Variants in CHD6 observed in about 807,000 individuals in gnomAD.
The protein encoded by CHD6 is chromodomain helicase DNA binding protein 6, also known as ATP-dependent chromatin remodeler CHD6.
Under a neutral mutation model 276.9 loss-of-function variants are expected in CHD6, and 50 were observed. The ratio of observed to expected loss-of-function variants is 0.18; its 90% confidence interval spans 0.14 to 0.23. The LOEUF (loss-of-function observed/expected upper bound fraction) is 0.23, where lower values mean the gene tolerates loss of function less well. CHD6 is among the 10% of genes least tolerant of loss of function. The probability of loss-of-function intolerance (pLI) is 1.00; values close to 1 mark genes in which losing one functional copy is unlikely to be tolerated. For synonymous variants in CHD6, 1,173 were observed against 1,229.3 expected, an observed-to-expected ratio of 0.95 and a Z score of 0.96; for missense variants, 2,564 against 3,365.8, an observed-to-expected ratio of 0.76 and a Z score of 5.89.
At chr20:41,583,109 C>T (rs2045558206) in intron 1 of CHD6, among the ~76,000 whole-genome samples, 1 of 151,946 alleles carries the variant, frequency 6.6e-6, no homozygotes, top group Non-Finnish European at 1.5e-5. Flanking sequence ...AAGAATTCTC[C>T]AAAAATAAAG....
intron 3 of CHD6, among the ~76,000 whole-genome samples, chr20:41,528,271 G>A (rs2044592642): frequency 6.6e-6 from 1 of 151,958 alleles, no homozygotes; most frequent in South Asian, 2.1e-4. Context: ...TACATGACCT[G>A]ACCCCTGCCT....
rs749892189 is a variant in CHD6, at chr20:41,452,072, C to T, written c.3324-47G>A. 1 of 1,468,068 alleles carries T rather than the reference C, an allele frequency of 6.8e-7. No homozygotes were observed. Among genetic ancestry groups the T allele is most frequent in the Non-Finnish European group, 9.5e-7 (1 of 1,051,670 alleles). The allele number at this position is 1,468,068 out of a possible 1,614,324, so 90.9% of individuals were successfully genotyped here. A position where few individuals can be genotyped will look rare whatever the true frequency, so the allele number is the denominator to read the frequency against. On this transcript the variant is annotated intron_variant, in intron 21 of 36. Coordinates refer to ENST00000373233, the MANE Select transcript of CHD6 (RefSeq NM_032221.5). This position sits in a 1 kb window ranked among gnomAD's most constrained non-coding sequence, Gnocchi z 4.2. ...GGTGTTGGAGGGAGAATGGACCAGG[C>T]CATGCAGGCAGCCTCCCCACAGGAG...
Position 41,460,431 on chromosome 20 carries a change from C to T in CHD6, c.2665-3003G>A, listed in dbSNP as rs546900535. Among the ~76,000 whole-genome samples the T allele has an allele frequency of 9.2e-5, 14 of 152,284 alleles. No homozygotes were observed. The East Asian group carries it at 1.2e-3, about 13-fold the overall frequency. ...ATGGCAGCCCCTCCCATCACAGGCT[C>T]GGAGGCCTAGGAGGAAAAAGTGGTT... On this transcript the variant is annotated intron_variant, in intron 17 of 36. Coordinates refer to ENST00000373233, the MANE Select transcript of CHD6 (RefSeq NM_032221.5).
chr20:41,610,242 C>T (rs2045872437), intron 1 of CHD6, among the ~76,000 whole-genome samples: 2 of 152,146 alleles, frequency 1.3e-5, no homozygotes, highest in Admixed American at 6.5e-5. Context: ...GAATATACTA[C>T]AATCAATCTT....
intron 1 of CHD6, among the ~76,000 whole-genome samples, chr20:41,602,862 T>A (rs1235700657): frequency 6.6e-6 from 1 of 152,030 alleles, no homozygotes; most frequent in Non-Finnish European, 1.5e-5. Flanking sequence ...TTAAAATATT[T>A]TGTAGAGATA....
intron 23 of CHD6, among the ~76,000 whole-genome samples, chr20:41,450,451 T>C (rs2048201757): frequency 6.6e-6 from 1 of 151,876 alleles, no homozygotes; most frequent in Admixed American, 6.6e-5. Context: ...GTTTTGTTTT[T>C]CAATCAGTTT....
chr20:41,611,212 A>G (rs1428432864), intron 1 of CHD6, among the ~76,000 whole-genome samples: 1 of 152,226 alleles, frequency 6.6e-6, no homozygotes, highest in Admixed American at 6.5e-5. Flanking sequence ...AGGTTAAAGG[A>G]CAATCTTGTT....
At chr20:41,572,566 T>A (rs1044010193) in intron 1 of CHD6, among the ~76,000 whole-genome samples, 2 of 152,202 alleles carry the variant, frequency 1.3e-5, no homozygotes, top group African/African-American at 4.8e-5. Flanking sequence ...GCCTGGCTCA[T>A]CTGGAACCCA....
chr20:41,413,636 G>T, intron 34 of CHD6, 121 bp from the exon 35 acceptor site: 1 of 853,626 alleles, frequency 1.2e-6, no homozygotes, highest in Non-Finnish European at 1.8e-6. Flanking sequence ...ATATTACTCA[G>T]CTGGGGTGCC....
chr20:41,493,789 G>A, intron 9 of CHD6, 69 bp downstream of exon 9: 1 of 1,563,426 alleles, frequency 6.4e-7, no homozygotes, highest in Non-Finnish European at 8.8e-7. Flanking sequence ...CTAAGACAAG[G>A]GTCACATGTT....
At chr20:41,495,861 G>A (rs1459694616) in intron 8 of CHD6, among the ~76,000 whole-genome samples, 1 of 152,218 alleles carries the variant, frequency 6.6e-6, no homozygotes, top group African/African-American at 2.4e-5. Context: ...TTTTTCCTAT[G>A]ATACTGAGTT....
chr20:41,477,099 C>T (rs2043185108), intron 16 of CHD6, among the ~76,000 whole-genome samples: 1 of 152,012 alleles, frequency 6.6e-6, no homozygotes, highest in Admixed American at 6.6e-5. Flanking sequence ...ATCAGACAGG[C>T]ATGGTGGCCA....
At chr20:41,598,006 T>A (rs567426194) in intron 1 of CHD6, among the ~76,000 whole-genome samples, 1 of 152,228 alleles carries the variant, frequency 6.6e-6, no homozygotes, top group South Asian at 2.1e-4. Context: ...CCATAGCTGG[T>A]CCAATGTTCT....
At chr20:41,581,188 T>C (rs575651394) in intron 1 of CHD6, among the ~76,000 whole-genome samples, 1 of 152,212 alleles carries the variant, frequency 6.6e-6, no homozygotes, top group South Asian at 2.1e-4. Flanking sequence ...ATCATCATAA[T>C]CATCCCATGA....
At chr20:41,488,735 A>C in intron 12 of CHD6, 131 bp from the exon 13 acceptor site, 1 of 723,146 alleles carries the variant, frequency 1.4e-6, no homozygotes, top group Non-Finnish European at 2.2e-6. Context: ...GCTTTTCCTC[A>C]TGTGAGAAAA....
intron 17 of CHD6, among the ~76,000 whole-genome samples, chr20:41,469,848 A>G (rs1161065059): frequency 6.6e-6 from 1 of 152,220 alleles, no homozygotes; most frequent in African/African-American, 2.4e-5. Context: ...TATTGCTAAG[A>G]TCTCTCAGTG....
At chr20:41,582,087 G>T (rs2045546642) in intron 1 of CHD6, among the ~76,000 whole-genome samples, 1 of 152,000 alleles carries the variant, frequency 6.6e-6, no homozygotes, top group South Asian at 2.1e-4. Context: ...GGGGCAGTGT[G>T]GGTTTCTAAG....
At chr20:41,461,266 T>A (rs868443764) in intron 17 of CHD6, among the ~76,000 whole-genome samples, 1 of 152,206 alleles carries the variant, frequency 6.6e-6, no homozygotes, top group African/African-American at 2.4e-5. Context: ...TAATGCTGAA[T>A]GAGTTAAGAC....
intron 1 of CHD6, among the ~76,000 whole-genome samples, chr20:41,596,765 C>A (rs1055777749): frequency 6.6e-6 from 1 of 152,080 alleles, no homozygotes; most frequent in African/African-American, 2.4e-5. Flanking sequence ...GGCTTAGACA[C>A]AGAGGATCCC....
Sources: allele counts gnomAD v4.1 joint callset (sites outside exome capture counted in the v4.1 genomes callset), GRCh38; gene constraint gnomAD v4.1.1; non-coding constraint Gnocchi (gnomAD v3.1); transcripts MANE v1.5; gene names NCBI Gene and HGNC (gene_info 2026-07-23, HGNC 2026-07-21).